CLASP1: variants seen among roughly 807,000 people sequenced by gnomAD.
CLASP1 encodes CLIP-associating protein 1.
In CLASP1, 38 loss-of-function variants were observed where a neutral mutation model predicts 192.3. The ratio of observed to expected loss-of-function variants is 0.20; its 90% CI spans 0.15 to 0.26. The LOEUF is 0.26. CLASP1 is among the 10% of genes least tolerant of loss of function. CLASP1 has a pLI of 1.00. For missense variants in CLASP1, 1,433 were observed against 1,932.5 expected (o/e 0.74, Z 4.85); for synonymous variants, 691 against 712.8 (o/e 0.97, Z 0.49).
At chr2:121,498,985 T>C (rs1258776995) in intron 8 of CLASP1, among the ~76,000 whole-genome samples, 1 of 152,206 alleles carries the variant, frequency 6.6e-6, no homozygotes, top group African/African-American at 2.4e-5. Context: ...CATAAAATAG[T>C]GCTGCAAAAC....
Position 121,390,670 on chromosome 2 carries a change from G to A in CLASP1, c.3124-2764C>T, listed in dbSNP as rs570358158. Among the ~76,000 whole-genome samples, 66 of 152,262 alleles carry A rather than the reference G, an allele frequency of 4.3e-4. 2 individuals carry two copies. In the Middle Eastern group the frequency reaches 0.02, roughly 47 times the overall value. On this transcript the variant is annotated intron_variant, in intron 30 of 39. Transcript: ENST00000263710. ...CACTTCAGTGTTTGTATTAATTTGG[G>A]AAAACAAAATTTGAGAGGAAAGGCA...
At chr2:121,459,986 G>A in exon 12 of CLASP1, 1 of 1,611,894 alleles carries the variant, frequency 6.2e-7, no homozygotes, top group Non-Finnish European at 8.5e-7. Context: ...TTACCCCAAC[G>A]TGATACAAGC....
chr2:121,421,471 C>A (rs1245550839), intron 22 of CLASP1, among the ~76,000 whole-genome samples: 2 of 152,076 alleles, frequency 1.3e-5, no homozygotes, highest in Non-Finnish European at 2.9e-5. Context: ...TGGTCTTGAA[C>A]TCCTGAGCTC....
chr2:121,531,455 C>A (rs185203989), intron 2 of CLASP1, among the ~76,000 whole-genome samples: 1 of 150,616 alleles, frequency 6.6e-6, no homozygotes, highest in African/African-American at 2.4e-5. Flanking sequence ...ATTAGCCGGG[C>A]GAGGTGGCCG....
chr2:121,550,108 T>C (rs1055814966), intron 2 of CLASP1, among the ~76,000 whole-genome samples: 1 of 150,004 alleles, frequency 6.7e-6, no homozygotes, highest in Non-Finnish European at 1.5e-5. Context: ...CTGAAAATCA[T>C]ACAATTACAT....
At chr2:121,524,597 C>T (rs1042327558) in intron 6 of CLASP1, among the ~76,000 whole-genome samples, 19 of 152,044 alleles carry the variant, frequency 1.2e-4, no homozygotes, top group African/African-American at 4.6e-4. Flanking sequence ...GCTGCGATCA[C>T]AGGTGAACGC....
intron 8 of CLASP1, among the ~76,000 whole-genome samples, chr2:121,480,118 A>G (rs62151095): frequency 0.036 from 5,419 of 152,344 alleles, 148 homozygotes; most frequent in Non-Finnish European, 0.057. Flanking sequence ...TAACGTGAGA[A>G]GAGAGAACTA....
rs1222652718 is a variant in CLASP1 at position 121,528,067 on chromosome 2, T to A, written c.379-177A>T. ...TGATGACATCTATCATGTTATCAAG[T>A]ATATCAAATTACAATTTTTAAAACA... On this transcript the variant is annotated intron_variant, in intron 4 of 39. Coordinates refer to ENST00000263710, the Ensembl canonical transcript of CLASP1. Among the ~76,000 whole-genome samples, 3 of 152,366 alleles carry A rather than the reference T, an allele frequency of 2.0e-5. No individual in the cohort carries two copies. In the East Asian group the frequency reaches 5.8e-4, roughly 29 times the overall value.
At chr2:121,514,217 T>C (rs2094221922) in intron 7 of CLASP1, among the ~76,000 whole-genome samples, 1 of 152,186 alleles carries the variant, frequency 6.6e-6, no homozygotes, top group Non-Finnish European at 1.5e-5. Context: ...ATGGAAACTG[T>C]GTAAAATGGT....
chr2:121,637,607 C>T (rs1382770469), intron 1 of CLASP1, among the ~76,000 whole-genome samples: 5 of 152,150 alleles, frequency 3.3e-5, no homozygotes, highest in East Asian at 1.9e-4. Context: ...TTTAGGCTGG[C>T]GTGGTGGCTC....
chr2:121,441,637 G>T (rs940119264), intron 19 of CLASP1, among the ~76,000 whole-genome samples: 3 of 152,096 alleles, frequency 2.0e-5, no homozygotes, highest in Non-Finnish European at 2.9e-5. Context: ...CAGACAGGGT[G>T]GGGAGCTGAG....
At chr2:121,623,323 C>T (rs1219895857) in intron 1 of CLASP1, among the ~76,000 whole-genome samples, 1 of 152,220 alleles carries the variant, frequency 6.6e-6, no homozygotes, top group East Asian at 1.9e-4. Context: ...TATTCTATTA[C>T]ATGGCATGTT....
At chr2:121,591,044 T>C (rs1250164434) in intron 2 of CLASP1, among the ~76,000 whole-genome samples, 1 of 152,080 alleles carries the variant, frequency 6.6e-6, no homozygotes, top group Non-Finnish European at 1.5e-5. Flanking sequence ...ATTTTTGTAT[T>C]TTTAGTGGAG....
intron 18 of CLASP1, 141 bp downstream of exon 18, chr2:121,448,135 C>A (rs913913810): frequency 1.4e-5 from 10 of 695,476 alleles, no homozygotes; most frequent in Admixed American, 4.8e-5. Context: ...AGAGTCAGGG[C>A]AGGGCAGAGC....
chr2:121,412,620 C>T (rs1376268633), intron 23 of CLASP1, among the ~76,000 whole-genome samples: 3 of 151,820 alleles, frequency 2.0e-5, no homozygotes, highest in Non-Finnish European at 4.4e-5. Context: ...AATCTCATGC[C>T]AGCAATTCTT....
At chr2:121,557,475 CCAGGAGGCTGAGG>C (rs1258656437) in intron 2 of CLASP1, among the ~76,000 whole-genome samples, 2 of 148,950 alleles carry the variant, frequency 1.3e-5, no homozygotes, top group Admixed American at 1.3e-4. Context: ...TCCCAGCTAC[CCAGGAGGCTGAGG>C]CAGGAGAATC....
chr2:121,342,059 T>C (rs1468741616), intron 39 of CLASP1, among the ~76,000 whole-genome samples: 1 of 152,144 alleles, frequency 6.6e-6, no homozygotes, highest in Non-Finnish European at 1.5e-5. Context: ...AGTTAACATA[T>C]TCTTAAACAA....
rs1304901834 is a variant in CLASP1 at position 121,448,384 on chromosome 2, C to A, written c.1692-59G>T. On this transcript the variant is annotated intron_variant, in intron 17 of 39. Coordinates refer to ENST00000263710, the Ensembl canonical transcript of CLASP1. ...TACTGTACCTGAATTAATACAAATA[C>A]AAACTACAACAGGAAATTATTACAA... The A allele has an allele frequency of 6.8e-6, 9 of 1,314,940 alleles. No individual in the cohort carries two copies. In the South Asian group the frequency reaches 9.5e-5, roughly 14 times the overall value. 81.5% of individuals were successfully genotyped at this position (1,314,940 alleles called of 1,614,324 possible).
chr2:121,400,911 C>T (rs959453179), intron 28 of CLASP1, among the ~76,000 whole-genome samples: 5 of 152,334 alleles, frequency 3.3e-5, no homozygotes, highest in Admixed American at 3.3e-4. Flanking sequence ...AACTTTCATA[C>T]TTGCATATTG....
Sources: gnomAD v4.1 joint callset for allele counts (sites outside exome capture counted in the v4.1 genomes callset) on GRCh38, gnomAD v4.1.1 for gene constraint, MANE v1.5 for transcripts, NCBI Gene and HGNC (gene_info 2026-07-23, HGNC 2026-07-21) for gene names.